The following CDK5RAP2 variants were observed in gnomAD, a reference collection of about 807,000 sequenced individuals.
CDK5RAP2 encodes the protein CDK5 regulatory subunit-associated protein 2.
In CDK5RAP2, 147 loss-of-function variants were observed where a neutral mutation model predicts 232.9. That is an observed-to-expected ratio of 0.63 (90% CI 0.55 to 0.72). The LOEUF (loss-of-function observed/expected upper bound fraction) is 0.72. CDK5RAP2 is among the 30% of genes least tolerant of loss of function. The probability of loss-of-function intolerance (pLI) is 0.00; values close to 1 mark genes in which losing one functional copy is unlikely to be tolerated. For synonymous variants in CDK5RAP2, 833 were observed against 833.7 expected (o/e 1.00, Z 0.01); for missense variants, 2,195 against 2,231.5 (o/e 0.98, Z 0.33).
At chr9:120,569,329 TAAACA>T (rs2042761972) in intron 2 of CDK5RAP2, among the ~76,000 whole-genome samples, 1 of 151,974 alleles carries the variant, frequency 6.6e-6, no homozygotes, top group Admixed American at 6.6e-5. Context: ...GGAAACACAA[TAAACA>T]AAACAAAAGG....
chr9:120,504,069 A>G (rs1162823305), intron 12 of CDK5RAP2, among the ~76,000 whole-genome samples: 1 of 152,200 alleles, frequency 6.6e-6, no homozygotes, highest in Non-Finnish European at 1.5e-5. Context: ...GGAGTTATAC[A>G]CAACAATAGC....
Position 120,406,998 on chromosome 9 carries a change from G to GGCAGGGGCAGTACCGTGTTT in CDK5RAP2, c.4957_4963+13dup. On this transcript the variant is annotated intron_variant, in intron 32 of 37. Coordinates refer to ENST00000349780, the MANE Select transcript of CDK5RAP2 (RefSeq NM_018249.6). ...GCTGCATTCTCAGCAAGTGGGGAGA[G>GGCAGGGGCAGTACCGTGTTT]GCAGGGGCAGTACCGTGTTTGTCAG... 2 of 1,584,778 alleles carry GGCAGGGGCAGTACCGTGTTT rather than the reference G, an allele frequency of 1.3e-6. No individual in the cohort carries two copies. The highest frequency in any genetic ancestry group is 1.7e-6 in the Non-Finnish European group (2 of 1,153,378).
At chr9:120,453,911 C>G (rs1209881037) in intron 20 of CDK5RAP2, 38 bp from the exon 21 acceptor site, 2 of 1,606,822 alleles carry the variant, frequency 1.2e-6, no homozygotes, top group East Asian at 4.5e-5. Context: ...GAGAACCAAG[C>G]TTTCTGCTAG....
intron 32 of CDK5RAP2, among the ~76,000 whole-genome samples, chr9:120,405,110 G>T (rs1291998175): frequency 6.6e-6 from 1 of 152,206 alleles, no homozygotes; most frequent in African/African-American, 2.4e-5. Context: ...TCCCAGGGGT[G>T]TGCTACAGTT....
In CDK5RAP2 at chr9:120,402,893, C is replaced by G; in HGVS notation, c.5220G>C (p.Gln1740His). Residue 1740 changes from glutamine (Q) to histidine (H), a missense_variant, in exon 34 of 38, where the codon CAG (glutamine) becomes CAC (histidine). By Grantham distance (24) the Gln-to-His change is conservative (BLOSUM62 0). Transcript: ENST00000349780. Reference protein sequence around the residue: ...LIEDYEALLKQISQGQRLLAE... With the variant: ...LIEDYEALLKHISQGQRLLAE... ...CAAGGAGCCTCTGTCCCTGGCTGAT[C>G]TGTTTGAGCAGGGCCTCATAGTCCT... The G allele has an allele frequency of 1.2e-6, 2 of 1,614,122 alleles. No homozygotes were observed. The highest frequency in any genetic ancestry group is 1.7e-6 in the Non-Finnish European group (2 of 1,180,028).
intron 22 of CDK5RAP2, among the ~76,000 whole-genome samples, chr9:120,444,240 C>A (rs1434112496): frequency 6.6e-6 from 1 of 152,234 alleles, no homozygotes; most frequent in Non-Finnish European, 1.5e-5. Flanking sequence ...ATAGCAAGAC[C>A]CCCATCTCTA....
At chr9:120,491,996 A>T (rs1678188977) in intron 12 of CDK5RAP2, among the ~76,000 whole-genome samples, 1 of 152,124 alleles carries the variant, frequency 6.6e-6, no homozygotes, top group South Asian at 2.1e-4. Flanking sequence ...ATAATCCTGT[A>T]TTATCTTCAT....
intron 10 of CDK5RAP2, 115 bp downstream of exon 10, chr9:120,527,691 T>C (rs1032440800): frequency 8.4e-7 from 1 of 1,189,528 alleles, no homozygotes; most frequent in African/African-American, 1.5e-5. Flanking sequence ...CCCCACTTTC[T>C]ATACTACCTC....
intron 17 of CDK5RAP2, among the ~76,000 whole-genome samples, chr9:120,468,514 A>T (rs184500193): frequency 6.6e-6 from 1 of 152,370 alleles, no homozygotes; most frequent in African/African-American, 2.4e-5. Context: ...ATTATGAAGC[A>T]ATTTACAGCT....
intron 24 of CDK5RAP2, among the ~76,000 whole-genome samples, chr9:120,438,394 G>A (rs566245113): frequency 3.1e-4 from 47 of 152,204 alleles, no homozygotes; most frequent in Non-Finnish European, 6.0e-4. Context: ...CATAGAGTGT[G>A]CACATGCAGA....
chr9:120,526,657 A>C (rs548647935), intron 10 of CDK5RAP2, among the ~76,000 whole-genome samples: 2 of 152,140 alleles, frequency 1.3e-5, no homozygotes, highest in African/African-American at 2.4e-5. Flanking sequence ...TCCAAAATGA[A>C]AATATGCTTA....
intron 2 of CDK5RAP2, among the ~76,000 whole-genome samples, chr9:120,569,344 G>A (rs777243003): frequency 6.6e-6 from 1 of 152,298 alleles, no homozygotes; most frequent in African/African-American, 2.4e-5. Flanking sequence ...AAAACAAAAG[G>A]ACAACTGCAT....
intron 1 of CDK5RAP2, among the ~76,000 whole-genome samples, 180 bp from the exon 2 acceptor site, chr9:120,572,221 C>G (rs1163706657): frequency 1.3e-5 from 2 of 152,178 alleles, no homozygotes; most frequent in African/African-American, 4.8e-5. Flanking sequence ...AGTTCCAGCT[C>G]CAACACTTGA....
intron 21 of CDK5RAP2, among the ~76,000 whole-genome samples, chr9:120,452,933 C>T (rs2036555180): frequency 6.6e-6 from 1 of 152,074 alleles, no homozygotes; most frequent in Non-Finnish European, 1.5e-5. Flanking sequence ...AGAATAATAC[C>T]TCTCCTACAC....
Position 120,403,418 on chromosome 9 carries a change from C to T in CDK5RAP2, c.5042-347G>A. On this transcript the variant is annotated intron_variant, in intron 33 of 37. Coordinates refer to ENST00000349780, the MANE Select transcript of CDK5RAP2 (RefSeq NM_018249.6). This position sits in a 1 kb window ranked among gnomAD's most constrained non-coding sequence, Gnocchi z 4.2. ...ACAGACACTGCAGAAGGTGCAACAG[C>T]AGAGTGATGAAGGGCCAGAGCCAGA... is the stretch of plus-strand genomic sequence containing the variant. 2.9e-6 allele frequency: 1 copy of T among 341,554 alleles called. No individual in the cohort carries two copies. Among genetic ancestry groups the T allele is most frequent in the South Asian group, 3.1e-5 (1 of 32,732 alleles). 21.2% of individuals were successfully genotyped at this position (341,554 alleles called of 1,614,324 possible).
At chr9:120,521,414 G>A (rs779938630) in intron 11 of CDK5RAP2, among the ~76,000 whole-genome samples, 13 of 152,142 alleles carry the variant, frequency 8.5e-5, no homozygotes, top group African/African-American at 3.1e-4. Flanking sequence ...CATGTCATGG[G>A]AGGGACCGGG....
chr9:120,493,003 T>TA (rs1300604198), intron 12 of CDK5RAP2, among the ~76,000 whole-genome samples: 1 of 152,198 alleles, frequency 6.6e-6, no homozygotes, highest in African/African-American at 2.4e-5. Context: ...CCTTTTCCTA[T>TA]AAAAAAGATC....
At chr9:120,455,451 T>C (rs543967125) in intron 20 of CDK5RAP2, among the ~76,000 whole-genome samples, 8 of 149,290 alleles carry the variant, frequency 5.4e-5, no homozygotes, top group African/African-American at 1.7e-4. Context: ...TTCAGAAAGG[T>C]GACTCCAGGC....
chr9:120,426,410 C>G (rs2034905398), intron 25 of CDK5RAP2, among the ~76,000 whole-genome samples: 1 of 152,180 alleles, frequency 6.6e-6, no homozygotes. Flanking sequence ...GGCAGGACAA[C>G]TCAAAGTGGG....
Sources: allele counts gnomAD v4.1 joint callset (sites outside exome capture counted in the v4.1 genomes callset), GRCh38; gene constraint gnomAD v4.1.1; non-coding constraint Gnocchi (gnomAD v3.1); transcripts MANE v1.5; gene names NCBI Gene and HGNC (gene_info 2026-07-23, HGNC 2026-07-21).